Variants in FAT1 observed in about 807,000 individuals in gnomAD.
FAT1 encodes protocadherin Fat 1.
Under a neutral mutation model 329.8 loss-of-function variants are expected in FAT1, and 171 were observed. That is an observed-to-expected ratio of 0.52 (90% CI 0.46 to 0.59). FAT1 has a LOEUF of 0.59. Among genes scored for constraint, FAT1 ranks in the 20% least tolerant of loss-of-function variants. FAT1 has a pLI of 0.00. For synonymous variants in FAT1, 2,233 were observed against 2,228.6 expected (o/e 1.00, Z -0.06); for missense variants, 5,672 against 5,774.4 (o/e 0.98, Z 0.57).
intron 16 of FAT1, among the ~76,000 whole-genome samples, chr4:186,606,961 C>T (rs1739174799): frequency 6.6e-6 from 1 of 152,224 alleles, no homozygotes; most frequent in Non-Finnish European, 1.5e-5. Flanking sequence ...CACAGGCTAG[C>T]TCCTTTGGTA....
intron 2 of FAT1, among the ~76,000 whole-genome samples, chr4:186,689,388 T>A (rs1752773290): frequency 6.6e-6 from 1 of 152,226 alleles, no homozygotes; most frequent in Non-Finnish European, 1.5e-5. Flanking sequence ...AAGCTATCAC[T>A]GGACATTTTT....
intron 3 of FAT1, among the ~76,000 whole-genome samples, chr4:186,642,223 G>A (rs1741131832): frequency 6.6e-6 from 1 of 152,094 alleles, no homozygotes; most frequent in Non-Finnish European, 1.5e-5. Context: ...TTAAACTGAA[G>A]CGGGTTTAAA....
chr4:186,709,425 C>T lies in FAT1; in HGVS notation c.403G>A (p.Val135Ile), dbSNP rs1744836634. The change falls in exon 2 of 27, where the codon GTC becomes ATC. Residue 135 changes from valine (V) to isoleucine (I), a missense_variant. Around this residue, in one of 2 missense-constraint regions of FAT1, gnomAD observed 3,966 missense variants for 3,915.2 expected, o/e 1.01. Coordinates refer to ENST00000441802, the MANE Select transcript of FAT1 (RefSeq NM_005245.4). ...TTTGTATCCAGCACCTGCACCCTGA[C>T]CTTTGTTCGCGCCTCCACATTAGTA... The part of the protein sequence containing the change: ...KNTNVEARTK[V>I]RVQVLDTNDL... 6.8e-6 allele frequency: 11 copies of T among 1,613,738 alleles called. No homozygotes were observed. Among genetic ancestry groups the T allele is most frequent in the African/African-American group, 1.3e-5 (1 of 74,892 alleles).
chr4:186,627,009 A>AGAAT (rs35836083), intron 9 of FAT1, among the ~76,000 whole-genome samples: 4 of 57,018 alleles, frequency 7.0e-5, no homozygotes, highest in Admixed American at 1.9e-4. Flanking sequence ...ATCAGCCCAC[A>AGAAT]GAATGAATGA....
At chr4:186,726,197 C>T (rs1745713657), upstream of FAT1, among the ~76,000 whole-genome samples, 1 of 152,268 alleles carries the variant, frequency 6.6e-6, no homozygotes. Context: ...CATCGCCGAT[C>T]CGCACAAAGC....
At position 186,620,100 on chromosome 4, in the gene FAT1, C is replaced by T. The variant is rs776041145; in HGVS notation, c.6486G>A (p.Pro2162=). 62 of 1,613,956 alleles carry T rather than the reference C, an allele frequency of 3.8e-5. No individual in the cohort carries two copies. Among genetic ancestry groups the T allele is most frequent in the South Asian group, 5.5e-5 (5 of 91,078 alleles). The part of the protein sequence containing the change: ...VTVVAKDGGN[P]AFSAEVIVPI... ...GAACGATAACTTCCGCTGAAAAGGC[C>T]GGGTTCCCTCCATCTTTTGCAACCA... The change falls in exon 10 of 27, where the codon CCG becomes CCA. Residue 2162 remains proline (P), a synonymous_variant. Transcript: ENST00000441802.
At chr4:186,684,812 C>T (rs866273119) in intron 2 of FAT1, among the ~76,000 whole-genome samples, 2 of 152,082 alleles carry the variant, frequency 1.3e-5, no homozygotes, top group African/African-American at 2.4e-5. Flanking sequence ...CTGGATAGGG[C>T]GTAACATATT....
At chr4:186,631,885 C>A (rs377242949) in intron 7 of FAT1, among the ~76,000 whole-genome samples, 11 of 151,476 alleles carry the variant, frequency 7.3e-5, no homozygotes, top group Admixed American at 1.3e-4. Flanking sequence ...TGCTGCACCC[C>A]CCTCCCGCCC....
rs764548052 is a variant in FAT1, at chr4:186,721,830, C to T, written c.-19+1834G>A. ...GGAATGAAAACAGAATTAGTTTGTG[C>T]ATAATTTTTAAAGATTTTTCTTCTC... On this transcript the variant is annotated intron_variant, in intron 1 of 26. Transcript: ENST00000441802. Among the ~76,000 whole-genome samples, 7 of 152,300 alleles carry T rather than the reference C, an allele frequency of 4.6e-5. No individual in the cohort carries two copies. In the South Asian group the frequency reaches 1.5e-3, roughly 32 times the overall value.
rs1362507083 is a variant in FAT1, at chr4:186,595,804, G to A, written c.13023C>T (p.Pro4341=). The change falls in exon 26 of 27, where the codon CCC becomes CCT. Residue 4341 remains proline, a synonymous_variant. Coordinates refer to ENST00000441802, the MANE Select transcript of FAT1 (RefSeq NM_005245.4). Reference sequence around the variant, plus strand: ...CCTCTAGAGGCTTCTTGGAAAGACAGGGATCAAGATCCACCACTTTTGCTA... The same window carrying A: ...CCTCTAGAGGCTTCTTGGAAAGACAAGGATCAAGATCCACCACTTTTGCTA... ...DYDTKVVDLD[P]CLSKKPLEEK... is the part of the protein sequence containing the mutation. 1 of 1,613,796 alleles carries A rather than the reference G, an allele frequency of 6.2e-7. No individual in the cohort carries two copies. The highest frequency in any genetic ancestry group is 1.3e-5 in the African/African-American group (1 of 74,906).
At position 186,603,535 on chromosome 4, in the gene FAT1, T is replaced by C. The variant is rs762295246; in HGVS notation, c.10991A>G (p.Gln3664Arg). The C allele has an allele frequency of 1.2e-6, 2 of 1,613,996 alleles. No homozygotes were observed. The highest frequency in any genetic ancestry group is 1.7e-6 in the Non-Finnish European group (2 of 1,179,892). The change falls in exon 19 of 27, where the codon CAG becomes CGG. Residue 3664 changes from glutamine to arginine, a missense_variant. By Grantham distance (43) the Gln-to-Arg change is conservative. Around this residue, in one of 2 missense-constraint regions of FAT1, gnomAD observed 1,706 missense variants for 1,859.1 expected, o/e 0.92. Coordinates refer to ENST00000441802, the MANE Select transcript of FAT1 (RefSeq NM_005245.4). The stretch of plus-strand genomic sequence containing the variant: ...ACCCAGGATGTTCCGTAAAGCTCGC[T>C]GGAAGTTGCGCCAGTAGTCACCAAC... The part of the protein sequence containing the change: ...EFVGDYWRNF[Q>R]RALRNILGVR...
intron 3 of FAT1, among the ~76,000 whole-genome samples, chr4:186,641,804 C>G (rs1031860770): frequency 6.6e-6 from 1 of 151,960 alleles, no homozygotes; most frequent in African/African-American, 2.4e-5. Flanking sequence ...CTCAGAGGTT[C>G]GAGACCAGCC....
intron 3 of FAT1, among the ~76,000 whole-genome samples, chr4:186,644,707 T>A (rs1453066447): frequency 1.3e-5 from 2 of 152,220 alleles, no homozygotes; most frequent in Non-Finnish European, 2.9e-5. Flanking sequence ...CTTTGACATT[T>A]CTTATAAATC....
intron 10 of FAT1, 134 bp from the exon 11 acceptor site, chr4:186,617,335 G>T: frequency 3.0e-6 from 2 of 671,318 alleles, no homozygotes; most frequent in Middle Eastern, 4.2e-4. Flanking sequence ...AATTAATTTG[G>T]CATATATTAG....
chr4:186,608,591 C>A (rs941705363), intron 16 of FAT1, among the ~76,000 whole-genome samples: 1 of 152,072 alleles, frequency 6.6e-6, no homozygotes, highest in African/African-American at 2.4e-5. Context: ...GTTGACTTCA[C>A]GAATGCAGAA....
intron 1 of FAT1, among the ~76,000 whole-genome samples, chr4:186,718,721 TCAAA>T (rs1296244917): frequency 6.6e-6 from 1 of 152,150 alleles, no homozygotes; most frequent in Non-Finnish European, 1.5e-5. Context: ...TTTGCTTCTT[TCAAA>T]CAAACACTCT....
Position 186,708,654 on chromosome 4 carries a change from T to C in FAT1, c.1174A>G (p.Ile392Val). Residue 392 changes from isoleucine (I) to valine (V), a missense_variant, in exon 2 of 27, where the codon ATT becomes GTT. Around this residue, in one of 2 missense-constraint regions of FAT1, gnomAD observed 3,966 missense variants for 3,915.2 expected, o/e 1.01. Transcript: ENST00000441802. The stretch of plus-strand genomic sequence containing the variant: ...TACCTCAAATGGGAATAAGCAGGAA[T>C]GGCCTTTACCATGACCACAGGTGTG... ...PNTPVVMVKA[I>V]PAYSHLRYVF... is the part of the protein sequence containing the mutation. 1 of 1,613,940 alleles carries C rather than the reference T, an allele frequency of 6.2e-7. No homozygotes were observed.
At chr4:186,657,909 G>A (rs1741979976) in intron 3 of FAT1, among the ~76,000 whole-genome samples, 1 of 152,176 alleles carries the variant, frequency 6.6e-6, no homozygotes, top group Non-Finnish European at 1.5e-5. Context: ...CGTGAATAAT[G>A]AGTCATGAGA....
chr4:186,672,958 G>A (rs530451865), intron 2 of FAT1, among the ~76,000 whole-genome samples: 2 of 152,260 alleles, frequency 1.3e-5, no homozygotes, highest in East Asian at 1.9e-4. Context: ...TCATTGTATC[G>A]GGAGGGAAAA....
Sources: gnomAD v4.1 joint callset for allele counts (sites outside exome capture counted in the v4.1 genomes callset) on GRCh38, gnomAD v4.1.1 for gene constraint, gnomAD v4.1.1 regional missense constraint, MANE v1.5 for transcripts, NCBI Gene and HGNC (gene_info 2026-07-23, HGNC 2026-07-21) for gene names.